Variants in HHIP observed in about 807,000 individuals in gnomAD.
The protein encoded by HHIP is hedgehog interacting protein, also known as hedgehog-interacting protein.
A neutral mutation model predicts 74.0 loss-of-function variants in HHIP; 12 were observed. That is an observed-to-expected ratio of 0.16 (90% CI 0.10 to 0.26). The LOEUF is 0.26. Ranked by LOEUF, HHIP falls within the 10% of genes least tolerant of loss-of-function variation. The pLI, the probability that HHIP is intolerant of heterozygous loss-of-function variation, is 1.00. For synonymous variants in HHIP, 309 were observed against 311.6 expected (o/e 0.99, Z 0.09); for missense variants, 788 against 845.0 (o/e 0.93, Z 0.84).
At chr4:144,664,689 G>A (rs949216764) in intron 4 of HHIP, among the ~76,000 whole-genome samples, 6 of 152,136 alleles carry the variant, frequency 3.9e-5, no homozygotes, top group Non-Finnish European at 7.3e-5. Flanking sequence ...CAGAAAAACT[G>A]CTGAGAACTC....
intron 2 of HHIP, among the ~76,000 whole-genome samples, chr4:144,655,328 T>C (rs1728529335): frequency 6.6e-6 from 1 of 152,204 alleles, no homozygotes; most frequent in Admixed American, 6.5e-5. Context: ...GCAGGACTTT[T>C]CTTCTGCTTA....
At chr4:144,721,623 G>A (rs1322315203) in intron 11 of HHIP, among the ~76,000 whole-genome samples, 4 of 151,362 alleles carry the variant, frequency 2.6e-5, no homozygotes, top group Non-Finnish European at 5.9e-5. Flanking sequence ...CTTCCAGGCC[G>A]GGCGTGGTGG....
chr4:144,677,892 C>A (rs1005045942), intron 4 of HHIP, among the ~76,000 whole-genome samples: 21 of 152,090 alleles, frequency 1.4e-4, no homozygotes, highest in African/African-American at 4.8e-4. Context: ...ATATCTACTT[C>A]CTTTTATAAG....
intron 1 of HHIP, 88 bp from the exon 2 acceptor site, chr4:144,652,517 C>G (rs957859552): frequency 1.3e-6 from 1 of 788,966 alleles, no homozygotes; most frequent in African/African-American, 1.8e-5. Flanking sequence ...TTAGACTTTT[C>G]TACTTACACA....
At chr4:144,696,974 C>A (rs1032527583) in intron 4 of HHIP, among the ~76,000 whole-genome samples, 3 of 151,952 alleles carry the variant, frequency 2.0e-5, no homozygotes, top group African/African-American at 7.2e-5. Context: ...ATTTACATAT[C>A]TAACATTTTG....
At chr4:144,699,418 C>G (rs947262232) in intron 4 of HHIP, among the ~76,000 whole-genome samples, 2 of 152,034 alleles carry the variant, frequency 1.3e-5, no homozygotes, top group Admixed American at 6.6e-5. Flanking sequence ...CTCTGTGAAC[C>G]CTATTGTTTA....
At chr4:144,733,686 A>G (rs903719550) in intron 11 of HHIP, among the ~76,000 whole-genome samples, 1 of 152,178 alleles carries the variant, frequency 6.6e-6, no homozygotes, top group South Asian at 2.1e-4. Flanking sequence ...TTGACTGTCA[A>G]TGAAAACATT....
intron 7 of HHIP, among the ~76,000 whole-genome samples, chr4:144,709,884 TC>T (rs1730243799): frequency 6.6e-6 from 1 of 152,082 alleles, no homozygotes; most frequent in Non-Finnish European, 1.5e-5. Context: ...ATTATGATCA[TC>T]CCCCATAGAG....
chr4:144,717,818 G>A (rs1730500751), intron 10 of HHIP, among the ~76,000 whole-genome samples: 1 of 151,762 alleles, frequency 6.6e-6, no homozygotes, highest in Non-Finnish European at 1.5e-5. Context: ...ATATTTTGAT[G>A]TACTTTCATG....
At chr4:144,662,474 A>C (rs530850516) in intron 4 of HHIP, among the ~76,000 whole-genome samples, 17 of 152,278 alleles carry the variant, frequency 1.1e-4, no homozygotes, top group Non-Finnish European at 2.1e-4. Flanking sequence ...TCTGCAAAAA[A>C]TGCAAAGCAC....
At position 144,678,466 on chromosome 4, in the gene HHIP, C is replaced by G. The variant is rs1418948675; in HGVS notation, c.831+18628C>G. On this transcript the variant is annotated intron_variant, in intron 4 of 12. Transcript: ENST00000296575. ...TGCAGGTTTGTTACATAGGTATACA[C>G]GTTCCATGGTGGTTTGCTGCACCTA... Among the ~76,000 whole-genome samples, 3 of 152,000 alleles carry G rather than the reference C, an allele frequency of 2.0e-5. No homozygotes were observed. The East Asian group carries it at 5.8e-4, about 29-fold the overall frequency.
At chr4:144,673,930 A>G (rs1560701105) in intron 4 of HHIP, among the ~76,000 whole-genome samples, 1 of 152,158 alleles carries the variant, frequency 6.6e-6, no homozygotes, top group Non-Finnish European at 1.5e-5. Flanking sequence ...ATCTGAATCT[A>G]TGGAAGTTAA....
intron 1 of HHIP, chr4:144,650,686 G>C (rs1469972724): frequency 6.6e-6 from 1 of 152,008 alleles, no homozygotes; most frequent in African/African-American, 2.4e-5. Context: ...CTCACACAGA[G>C]CAAAAATGTT....
chr4:144,695,691 A>T (rs1030416360), intron 4 of HHIP, among the ~76,000 whole-genome samples: 1 of 151,926 alleles, frequency 6.6e-6, no homozygotes, highest in Non-Finnish European at 1.5e-5. Context: ...TGAAAAAACG[A>T]TATTTCTACA....
At chr4:144,732,821 G>T (rs1427293493) in intron 11 of HHIP, among the ~76,000 whole-genome samples, 1 of 152,012 alleles carries the variant, frequency 6.6e-6, no homozygotes, top group Non-Finnish European at 1.5e-5. Flanking sequence ...TCTATTTCTG[G>T]GTCTCTTTTC....
chr4:144,715,894 G>A (rs1006508376), intron 10 of HHIP, among the ~76,000 whole-genome samples: 2 of 152,076 alleles, frequency 1.3e-5, no homozygotes, highest in African/African-American at 2.4e-5. Context: ...ATTGGGGCAC[G>A]AAATTTGAGC....
intron 4 of HHIP, among the ~76,000 whole-genome samples, chr4:144,672,563 A>G (rs932744816): frequency 1.3e-5 from 2 of 152,186 alleles, no homozygotes; most frequent in Admixed American, 6.6e-5. Context: ...TGGTGGGAGC[A>G]TGAAGTATAC....
At chr4:144,681,272 A>T (rs1329745639) in intron 4 of HHIP, among the ~76,000 whole-genome samples, 1 of 152,264 alleles carries the variant, frequency 6.6e-6, no homozygotes, top group East Asian at 1.9e-4. Context: ...TGCAGAAAAC[A>T]TCTGAATATA....
intron 8 of HHIP, among the ~76,000 whole-genome samples, chr4:144,712,952 G>GT: frequency 7.2e-6 from 1 of 139,392 alleles, no homozygotes; most frequent in African/African-American, 2.8e-5. Flanking sequence ...AATGTGATTT[G>GT]GAAAAAAAAA....
Sources: allele counts gnomAD v4.1 joint callset (sites outside exome capture counted in the v4.1 genomes callset), GRCh38; gene constraint gnomAD v4.1.1; transcripts MANE v1.5; gene names NCBI Gene and HGNC (gene_info 2026-07-23, HGNC 2026-07-21).